ROBO2: variants seen among roughly 807,000 people sequenced by gnomAD.
The protein encoded by ROBO2 is roundabout guidance receptor 2.
In ROBO2, 53 loss-of-function variants were observed where a neutral mutation model predicts 160.8. That is an observed-to-expected ratio of 0.33 (90% CI 0.26 to 0.41). ROBO2 has a LOEUF of 0.41. Among genes scored for constraint, ROBO2 ranks in the 10% least tolerant of loss-of-function variants. The pLI is 1.00. For synonymous variants in ROBO2, 664 were observed against 611.7 expected, an observed-to-expected ratio of 1.09 and a Z score of -1.26; for missense variants, 1,577 against 1,722.4, an observed-to-expected ratio of 0.92 and a Z score of 1.49.
At chr3:77,355,007 C>A (rs2068859384) in intron 2 of ROBO2, among the ~76,000 whole-genome samples, 1 of 151,950 alleles carries the variant, frequency 6.6e-6, no homozygotes, top group South Asian at 2.1e-4. Flanking sequence ...GCATAAAGTT[C>A]TGTGGGTTTT....
chr3:75,948,440 T>C (rs1948406089), intron 2 of ROBO2, among the ~76,000 whole-genome samples: 1 of 152,092 alleles, frequency 6.6e-6, no homozygotes, highest in South Asian at 2.1e-4. Flanking sequence ...TGCTTCATTA[T>C]TTATGTGTGT....
At chr3:76,117,230 T>A (rs931496205) in intron 2 of ROBO2, among the ~76,000 whole-genome samples, 3 of 152,194 alleles carry the variant, frequency 2.0e-5, no homozygotes, top group Non-Finnish European at 4.4e-5. Context: ...CTGGAAAATA[T>A]CTGCTTGTTC....
intron 2 of ROBO2, among the ~76,000 whole-genome samples, chr3:77,422,039 T>C (rs62249800): frequency 0.077 from 11,680 of 152,246 alleles, 527 homozygotes; most frequent in African/African-American, 0.099. Context: ...TTGCATTTAA[T>C]GGGCACTTTG....
At chr3:76,058,349 C>T (rs1388876347) in intron 2 of ROBO2, among the ~76,000 whole-genome samples, 21 of 151,436 alleles carry the variant, frequency 1.4e-4, no homozygotes, top group African/African-American at 3.9e-4. Context: ...TGAGAACATG[C>T]GGTGTTTGGT....
chr3:77,429,465 C>T (rs1482264486), intron 2 of ROBO2, among the ~76,000 whole-genome samples: 1 of 152,102 alleles, frequency 6.6e-6, no homozygotes, highest in Non-Finnish European at 1.5e-5. Context: ...ATGCAATCAA[C>T]TAATCATCAA....
intron 2 of ROBO2, among the ~76,000 whole-genome samples, chr3:77,206,565 G>A (rs1017276370): frequency 1.3e-5 from 2 of 151,982 alleles, no homozygotes; most frequent in African/African-American, 2.4e-5. Context: ...ACTCTATACC[G>A]AACGTGGTCA....
At chr3:77,577,145 A>G (rs2093788727) in intron 14 of ROBO2, among the ~76,000 whole-genome samples, 1 of 151,990 alleles carries the variant, frequency 6.6e-6, no homozygotes. Flanking sequence ...CTGTTTCCTC[A>G]TCTGTAAAAC....
intron 2 of ROBO2, among the ~76,000 whole-genome samples, chr3:76,300,351 CT>C (rs558248349): frequency 1.3e-5 from 2 of 151,740 alleles, no homozygotes; most frequent in East Asian, 3.9e-4. Context: ...AAATTACATT[CT>C]TTTTTTTATT....
chr3:77,063,168 C>G (rs977440014), intron 1 of ROBO2, among the ~76,000 whole-genome samples: 3 of 152,278 alleles, frequency 2.0e-5, no homozygotes, highest in African/African-American at 7.2e-5. Flanking sequence ...GGAGCAGGAT[C>G]TAGAAGTGGA....
At chr3:77,403,488 C>T (rs1219627579) in intron 2 of ROBO2, among the ~76,000 whole-genome samples, 1 of 152,010 alleles carries the variant, frequency 6.6e-6, no homozygotes, top group Non-Finnish European at 1.5e-5. Flanking sequence ...TGGCTTCTTT[C>T]ACTTAACCTA....
chr3:77,448,250 C>A (rs552207787), intron 2 of ROBO2, among the ~76,000 whole-genome samples: 1 of 152,176 alleles, frequency 6.6e-6, no homozygotes, highest in African/African-American at 2.4e-5. Context: ...AGTAGTCTGG[C>A]CTATGACTTT....
intron 1 of ROBO2, among the ~76,000 whole-genome samples, chr3:77,095,240 A>G (rs528573523): frequency 2.8e-4 from 42 of 152,284 alleles, no homozygotes; most frequent in African/African-American, 9.6e-4. Context: ...TGACAGTACT[A>G]TAATCTTTAT....
At chr3:76,608,393 T>C (rs754073236) in intron 2 of ROBO2, among the ~76,000 whole-genome samples, 2 of 152,174 alleles carry the variant, frequency 1.3e-5, no homozygotes, top group African/African-American at 2.4e-5. Flanking sequence ...AAAATTAAAA[T>C]AAGGTATGGA....
intron 2 of ROBO2, among the ~76,000 whole-genome samples, chr3:77,310,217 C>T (rs1423727147): frequency 6.6e-6 from 1 of 152,008 alleles, no homozygotes; most frequent in Admixed American, 6.6e-5. Flanking sequence ...CGAAATTGTC[C>T]TTAAAAAGCT....
chr3:76,894,757 C>A (rs1034269570), intron 2 of ROBO2, among the ~76,000 whole-genome samples: 1 of 152,090 alleles, frequency 6.6e-6, no homozygotes, highest in Non-Finnish European at 1.5e-5. Flanking sequence ...ATACCATGGA[C>A]AAAGTTCCTG....
intron 3 of ROBO2, among the ~76,000 whole-genome samples, chr3:77,480,558 A>G (rs2084567946): frequency 6.6e-6 from 1 of 152,148 alleles, no homozygotes; most frequent in Non-Finnish European, 1.5e-5. Context: ...TTATCTCTTA[A>G]ATACAATTAA....
intron 2 of ROBO2, among the ~76,000 whole-genome samples, chr3:76,768,731 A>C (rs1019440815): frequency 4.6e-5 from 7 of 151,020 alleles, no homozygotes; most frequent in Admixed American, 1.3e-4. Context: ...GAATCATATA[A>C]TTCTAGATAG....
intron 2 of ROBO2, among the ~76,000 whole-genome samples, chr3:76,723,786 T>C (rs1282950235): frequency 6.6e-6 from 1 of 152,248 alleles, no homozygotes; most frequent in African/African-American, 2.4e-5. Context: ...ATTATAATTC[T>C]AACCTTCTAT....
chr3:77,480,165 T>C (rs1347910983), intron 3 of ROBO2, among the ~76,000 whole-genome samples: 1 of 152,176 alleles, frequency 6.6e-6, no homozygotes, highest in Non-Finnish European at 1.5e-5. Context: ...TTGAAACATC[T>C]CTGATAAGAG....
Sources: gnomAD v4.1 joint callset for allele counts (sites outside exome capture counted in the v4.1 genomes callset) on GRCh38, gnomAD v4.1.1 for gene constraint, MANE v1.5 for transcripts, NCBI Gene and HGNC (gene_info 2026-07-23, HGNC 2026-07-21) for gene names.